Variants in LARGE1 observed in about 807,000 individuals in gnomAD.
LARGE1 encodes the protein xylosyl- and glucuronyltransferase LARGE1.
LARGE1 carries 43 observed loss-of-function variants against 87.6 expected under a neutral mutation model. The observed-to-expected ratio is 0.49, with a 90% confidence interval of 0.38 to 0.63. The LOEUF (loss-of-function observed/expected upper bound fraction) is 0.63, where lower values mean the gene tolerates loss of function less well. LARGE1 is among the 30% of genes least tolerant of loss of function. LARGE1 has a pLI of 0.00. For missense variants in LARGE1, 802 were observed against 1,000.2 expected (o/e 0.80, Z 2.67); for synonymous variants, 434 against 394.6 (o/e 1.10, Z -1.18).
intron 11 of LARGE1, among the ~76,000 whole-genome samples, chr22:33,227,522 T>G (rs539533583): frequency 6.6e-6 from 1 of 152,356 alleles, no homozygotes; most frequent in African/African-American, 2.4e-5. Context: ...TTGTTCACTC[T>G]ACAAGTGGGG....
rs3072359 is a variant in LARGE1 at position 33,865,832 on chromosome 22, C to CTTTTTTTTTTTTTTTTTTTTTTTTTT, written c.-83+54137_-83+54162dup. 1.4e-4 allele frequency among the ~76,000 whole-genome samples: 4 copies of CTTTTTTTTTTTTTTTTTTTTTTTTTT among 28,394 alleles called. 1 individual carries two copies. Among genetic ancestry groups the CTTTTTTTTTTTTTTTTTTTTTTTTTT allele is most frequent in the African/African-American group, 4.3e-4 (4 of 9,350 alleles). 18.6% of individuals were successfully genotyped at this position (28,394 alleles called of 152,430 possible). A position where few individuals can be genotyped will look rare whatever the true frequency, so the allele number is the denominator to read the frequency against. ...TAAGCATTCAATGTTAGCTGTTATT[C>CTTTTTTTTTTTTTTTTTTTTTTTTTT]TTTTTTTTTTTTTTTTTTTTTTTTT... On this transcript the variant is annotated intron_variant, in intron 1 of 14. Transcript: ENST00000397394.
intron 10 of LARGE1, among the ~76,000 whole-genome samples, chr22:33,323,962 T>C (rs1936990164): frequency 6.6e-6 from 1 of 152,110 alleles, no homozygotes; most frequent in Admixed American, 6.5e-5. Flanking sequence ...CCAGATGCGG[T>C]GGCTCACGCC....
Position 33,901,961 on chromosome 22 carries a change from T to C in LARGE1, c.-83+18034A>G, listed in dbSNP as rs2146902753. Among the ~76,000 whole-genome samples the C allele has an allele frequency of 2.6e-5, 4 of 152,314 alleles. 1 individual carries two copies. The South Asian group carries it at 8.3e-4, about 32-fold the overall frequency. On this transcript the variant is annotated intron_variant, in intron 1 of 14. Coordinates refer to ENST00000397394, the MANE Select transcript of LARGE1 (RefSeq NM_133642.5). ...ACATCTTTTTGGCTGTGATGTTTCA[T>C]TCTAAACAGAGACAGACCAGACAAT...
chr22:33,492,165 T>C (rs1322192828), intron 6 of LARGE1, among the ~76,000 whole-genome samples: 1 of 152,158 alleles, frequency 6.6e-6, no homozygotes, highest in Non-Finnish European at 1.5e-5. Flanking sequence ...AGGTGACAGA[T>C]GAGCCAATGC....
intron 6 of LARGE1, among the ~76,000 whole-genome samples, chr22:33,445,400 A>T (rs2067645600): frequency 6.6e-6 from 1 of 152,206 alleles, no homozygotes; most frequent in African/African-American, 2.4e-5. Flanking sequence ...GAAAGGTGGG[A>T]AGTTAGCCAA....
chr22:33,088,293 T>C, the LARGE1 span, among the ~76,000 whole-genome samples: 1 of 152,136 alleles, frequency 6.6e-6, no homozygotes, highest in Non-Finnish European at 1.5e-5. Flanking sequence ...GAAAAAGCAC[T>C]GCACCTACGG....
At chr22:33,516,030 G>A (rs937834805) in intron 6 of LARGE1, among the ~76,000 whole-genome samples, 3 of 152,220 alleles carry the variant, frequency 2.0e-5, no homozygotes, top group African/African-American at 4.8e-5. Context: ...CGTGAGAAGA[G>A]CAATCAATGA....
In LARGE1 at chr22:33,761,827, T is replaced by C. The variant is rs238859; in HGVS notation, c.-82-269A>G. 0.91 allele frequency among the ~76,000 whole-genome samples: 137,770 copies of C among 152,178 alleles called. 62,475 individuals carry two copies. The highest frequency in any genetic ancestry group is 0.97 in the East Asian group (5,027 of 5,170). ...ACATACACACGCACAATTTATAGTATAGGTTAACTTCGAGACCTGAACTAA... is the reference window on the plus strand; with the variant it reads ...ACATACACACGCACAATTTATAGTACAGGTTAACTTCGAGACCTGAACTAA... On this transcript the variant is annotated intron_variant, in intron 1 of 14. Transcript: ENST00000397394.
chr22:33,119,334 T>A, the LARGE1 span, among the ~76,000 whole-genome samples: 2 of 151,636 alleles, frequency 1.3e-5, no homozygotes, highest in Non-Finnish European at 2.9e-5. Context: ...CTTTTATATA[T>A]TTTTTTTTAT....
At chr22:33,514,083 T>C (rs984487404) in intron 6 of LARGE1, among the ~76,000 whole-genome samples, 2 of 152,202 alleles carry the variant, frequency 1.3e-5, no homozygotes, top group Non-Finnish European at 2.9e-5. Context: ...ATAGAATCTA[T>C]GTTTGTATAA....
chr22:33,820,512 G>A (rs1047772850), intron 1 of LARGE1, among the ~76,000 whole-genome samples: 14 of 151,938 alleles, frequency 9.2e-5, no homozygotes, highest in African/African-American at 3.1e-4. Flanking sequence ...GTAGAGATGA[G>A]ATGGGGGTCT....
chr22:33,454,967 G>T (rs1341628436), intron 6 of LARGE1, among the ~76,000 whole-genome samples: 1 of 152,180 alleles, frequency 6.6e-6, no homozygotes, highest in Non-Finnish European at 1.5e-5. Flanking sequence ...TATGAGACTT[G>T]GGTGGGGACA....
chr22:33,593,088 C>G (rs555689957), intron 5 of LARGE1, among the ~76,000 whole-genome samples: 1 of 152,262 alleles, frequency 6.6e-6, no homozygotes, highest in Non-Finnish European at 1.5e-5. Flanking sequence ...ATCCGCCCAC[C>G]TCGGCCTCCC....
At chr22:33,529,777 A>G (rs192459199) in intron 6 of LARGE1, among the ~76,000 whole-genome samples, 121 of 152,344 alleles carry the variant, frequency 7.9e-4, no homozygotes, top group African/African-American at 2.8e-3. Context: ...AAATTTGACA[A>G]CTGACTCTGT....
chr22:33,496,169 C>T (rs1188986347), intron 6 of LARGE1, among the ~76,000 whole-genome samples: 2 of 152,174 alleles, frequency 1.3e-5, no homozygotes, highest in African/African-American at 4.8e-5. Flanking sequence ...CTAGTCTAGT[C>T]TTTCCACGTT....
intron 1 of LARGE1, among the ~76,000 whole-genome samples, chr22:33,906,078 C>T (rs920709432): frequency 6.6e-6 from 1 of 152,024 alleles, no homozygotes; most frequent in African/African-American, 2.4e-5. Flanking sequence ...TGCAGTGAGC[C>T]GAGATTGCGC....
intron 10 of LARGE1, among the ~76,000 whole-genome samples, chr22:33,328,554 G>T (rs1300407165): frequency 1.3e-5 from 2 of 151,414 alleles, no homozygotes; most frequent in Non-Finnish European, 2.9e-5. Flanking sequence ...ACTCTAGCCT[G>T]GGTGACAGAG....
chr22:33,382,408 C>T (rs751854327), intron 8 of LARGE1, among the ~76,000 whole-genome samples: 1 of 152,148 alleles, frequency 6.6e-6, no homozygotes, highest in Non-Finnish European at 1.5e-5. Flanking sequence ...CCTGTGTTAC[C>T]CATCCTGAGC....
chr22:33,306,901 G>C (rs549741037), intron 11 of LARGE1, among the ~76,000 whole-genome samples: 17 of 151,764 alleles, frequency 1.1e-4, no homozygotes, highest in Non-Finnish European at 2.9e-5. Flanking sequence ...AATACTCAAG[G>C]TTCTCAGAAG....
Sources: allele counts gnomAD v4.1 joint callset (sites outside exome capture counted in the v4.1 genomes callset), GRCh38; gene constraint gnomAD v4.1.1; transcripts MANE v1.5; gene names NCBI Gene and HGNC (gene_info 2026-07-23, HGNC 2026-07-21).